The following DLG1 variants were observed in gnomAD, a reference collection of about 807,000 sequenced individuals.
DLG1 encodes the protein disks large homolog 1.
In DLG1, 42 loss-of-function variants were observed where a neutral mutation model predicts 123.4. That is an observed-to-expected ratio of 0.34 (90% CI 0.27 to 0.44). DLG1 has a LOEUF of 0.44. Among genes scored for constraint, DLG1 ranks in the 20% least tolerant of loss-of-function variants. The pLI is 1.00. For synonymous variants in DLG1, 317 were observed against 356.2 expected (o/e 0.89, Z 1.24); for missense variants, 942 against 1,082.6 (o/e 0.87, Z 1.82).
chr3:197,239,434 C>A (rs1430827521), intron 4 of DLG1, among the ~76,000 whole-genome samples: 1 of 152,010 alleles, frequency 6.6e-6, no homozygotes, highest in South Asian at 2.1e-4. Context: ...CAAACTTTTC[C>A]AAAAAATTAA....
chr3:197,171,305 A>T (rs1157021184), intron 5 of DLG1, among the ~76,000 whole-genome samples: 1 of 152,160 alleles, frequency 6.6e-6, no homozygotes, highest in Non-Finnish European at 1.5e-5. Context: ...TTATGGTTTA[A>T]ATCTGTTTTT....
At chr3:197,077,641 G>A (rs573080290) in intron 17 of DLG1, among the ~76,000 whole-genome samples, 14 of 152,344 alleles carry the variant, frequency 9.2e-5, no homozygotes, top group Non-Finnish European at 1.6e-4. Flanking sequence ...GTAACGTGGA[G>A]TTGAGCAGTT....
rs559143042 is a variant in DLG1, at chr3:197,194,309, T to TG, written c.483+115dup. 247 of 487,696 alleles carry TG rather than the reference T, an allele frequency of 5.1e-4. 1 individual carries two copies. Among genetic ancestry groups the TG allele is most frequent in the African/African-American group, 4.2e-3 (159 of 38,092 alleles). 30.2% of individuals were successfully genotyped at this position (487,696 alleles called of 1,614,324 possible). ...ATTCTCCATAACTATGAAACTAAAA[T>TG]GGGGGGGTGGGGTAGGGCGAACCTA... On this transcript the variant is annotated intron_variant, in intron 5 of 24. Transcript: ENST00000667157.
At chr3:197,225,004 C>A (rs148866603) in intron 4 of DLG1, among the ~76,000 whole-genome samples, 2 of 152,176 alleles carry the variant, frequency 1.3e-5, no homozygotes, top group African/African-American at 4.8e-5. Flanking sequence ...TGGCCCAGGC[C>A]GGAGTGCAGT....
At position 197,272,501 on chromosome 3, in the gene DLG1, T is replaced by C. The variant is rs111968769; in HGVS notation, c.318+10178A>G. Among the ~76,000 whole-genome samples, 1,318 of 152,366 alleles carry C rather than the reference T, an allele frequency of 8.7e-3. 14 individuals carry two copies. Among genetic ancestry groups the C allele is most frequent in the African/African-American group, 0.029 (1,189 of 41,584 alleles). ...ACCTGTGGTTTTCATTGTGCCATTTTTCATAGTGTGGTGATTTTTAGGAAA... is the reference window on the plus strand; with the variant it reads ...ACCTGTGGTTTTCATTGTGCCATTTCTCATAGTGTGGTGATTTTTAGGAAA... On this transcript the variant is annotated intron_variant, in intron 4 of 24. Coordinates refer to ENST00000667157, the MANE Select transcript of DLG1 (RefSeq NM_001366207.1).
chr3:197,296,909 G>T (rs1010281492), intron 2 of DLG1: 1 of 458,214 alleles, frequency 2.2e-6, no homozygotes. Context: ...GAATGATAGA[G>T]TGAAATACTA....
intron 3 of DLG1, among the ~76,000 whole-genome samples, chr3:197,292,258 A>G (rs1057103975): frequency 6.6e-6 from 1 of 152,228 alleles, no homozygotes; most frequent in Non-Finnish European, 1.5e-5. Flanking sequence ...TGCGGTATAT[A>G]CATACAACGG....
chr3:197,162,656 C>T (rs1799274879), intron 5 of DLG1, among the ~76,000 whole-genome samples: 1 of 152,072 alleles, frequency 6.6e-6, no homozygotes. Context: ...AACTGGATAT[C>T]CACATGCAAA....
rs192430498 is a variant in DLG1 at position 197,210,680 on chromosome 3, G to T, written c.319-16091C>A. ...TATATTTTCTTTAATATATATTAAA[G>T]AATTCAATCTGTTACCAAAATTCTT... On this transcript the variant is annotated intron_variant, in intron 4 of 24. Transcript: ENST00000667157. 4.0e-3 allele frequency among the ~76,000 whole-genome samples: 569 copies of T among 141,146 alleles called. 20 individuals carry two copies. Among genetic ancestry groups the T allele is most frequent in the African/African-American group, 0.012 (502 of 40,302 alleles). The allele number at this position is 141,146 out of a possible 152,430, so 92.6% of individuals were successfully genotyped here. A position where few individuals can be genotyped will look rare whatever the true frequency, so the allele number is the denominator to read the frequency against.
chr3:197,175,353 T>C (rs1393766589), intron 5 of DLG1, among the ~76,000 whole-genome samples: 1 of 152,156 alleles, frequency 6.6e-6, no homozygotes, highest in African/African-American at 2.4e-5. Context: ...TTAAGAAAAT[T>C]TATTTAAAGA....
At chr3:197,046,754 C>T (rs1723433086) in intron 24 of DLG1, among the ~76,000 whole-genome samples, 1 of 152,062 alleles carries the variant, frequency 6.6e-6, no homozygotes, top group African/African-American at 2.4e-5. Context: ...CCTGTAGTCC[C>T]AGCTCCTTGG....
intron 4 of DLG1, among the ~76,000 whole-genome samples, chr3:197,248,648 G>T (rs1180262677): frequency 6.6e-6 from 1 of 152,180 alleles, no homozygotes; most frequent in Non-Finnish European, 1.5e-5. Flanking sequence ...TCCTCCCCTT[G>T]TTATCTGGGG....
At chr3:197,199,203 A>G (rs1262265787) in intron 4 of DLG1, among the ~76,000 whole-genome samples, 5 of 152,168 alleles carry the variant, frequency 3.3e-5, no homozygotes, top group Admixed American at 3.3e-4. Context: ...GTTCCCTTAT[A>G]CTTGTACCTT....
At chr3:197,050,631 CAT>C (rs1726926457) in intron 24 of DLG1, among the ~76,000 whole-genome samples, 3 of 152,128 alleles carry the variant, frequency 2.0e-5, no homozygotes. Flanking sequence ...AAGTAGAACT[CAT>C]AGAAACAGAG....
intron 13 of DLG1, among the ~76,000 whole-genome samples, chr3:197,112,082 C>T (rs1770358571): frequency 2.6e-5 from 4 of 152,148 alleles, no homozygotes; most frequent in South Asian, 2.1e-4. Flanking sequence ...TAGTGGTATA[C>T]CATTTACACG....
At chr3:197,253,921 A>C (rs896052589) in intron 4 of DLG1, among the ~76,000 whole-genome samples, 1 of 151,656 alleles carries the variant, frequency 6.6e-6, no homozygotes, top group Non-Finnish European at 1.5e-5. Flanking sequence ...TTAAAGGTTT[A>C]ATTAAAAAAA....
intron 24 of DLG1, among the ~76,000 whole-genome samples, chr3:197,045,333 T>C (rs1722169782): frequency 1.3e-5 from 2 of 152,322 alleles, no homozygotes; most frequent in African/African-American, 4.8e-5. Flanking sequence ...TCTTTGGGAA[T>C]AGCTGAAGCC....
chr3:197,118,573 T>G (rs1397394246), intron 12 of DLG1, among the ~76,000 whole-genome samples: 1 of 152,144 alleles, frequency 6.6e-6, no homozygotes, highest in Non-Finnish European at 1.5e-5. Flanking sequence ...TCAATAAACG[T>G]TAAGAACAGA....
At chr3:197,297,128 A>C (rs1777817142) in intron 2 of DLG1, 58 bp downstream of exon 2, 1 of 1,600,316 alleles carries the variant, frequency 6.2e-7, no homozygotes, top group African/African-American at 1.3e-5. Flanking sequence ...GCAATCAAAA[A>C]ACTGACACAC....
Sources: allele counts gnomAD v4.1 joint callset (sites outside exome capture counted in the v4.1 genomes callset), GRCh38; gene constraint gnomAD v4.1.1; transcripts MANE v1.5; gene names NCBI Gene and HGNC (gene_info 2026-07-23, HGNC 2026-07-21).